Variants in CDH13 observed in about 807,000 individuals in gnomAD.
CDH13 encodes the protein cadherin 13, also known as cadherin-13.
In CDH13, 24 loss-of-function variants were observed where a neutral mutation model predicts 63.8. That is an observed-to-expected ratio of 0.38 (90% CI 0.27 to 0.53). The LOEUF (loss-of-function observed/expected upper bound fraction) is 0.53, where lower values mean the gene tolerates loss of function less well. CDH13 is among the 20% of genes least tolerant of loss of function. The pLI is 0.85. For missense variants in CDH13, 1,049 were observed against 903.1 expected (o/e 1.16, Z -2.07); for synonymous variants, 503 against 355.3 (o/e 1.42, Z -4.67).
intron 11 of CDH13, among the ~76,000 whole-genome samples, chr16:83,759,366 C>G (rs908190099): frequency 2.6e-5 from 4 of 151,994 alleles, no homozygotes; most frequent in Admixed American, 1.3e-4. Flanking sequence ...CATCCTGACC[C>G]CCTCTTAAAC....
At chr16:83,443,705 GAAAAA>G (rs1167862979) in intron 6 of CDH13, among the ~76,000 whole-genome samples, 7 of 107,078 alleles carry the variant, frequency 6.5e-5, no homozygotes, top group Admixed American at 3.9e-4. Context: ...AAGTCCCTAC[GAAAAA>G]AAAAAAAAAA....
At chr16:83,562,212 G>C (rs1462386374) in intron 7 of CDH13, among the ~76,000 whole-genome samples, 1 of 152,152 alleles carries the variant, frequency 6.6e-6, no homozygotes, top group Non-Finnish European at 1.5e-5. Context: ...TTCAGAACAG[G>C]AATCTTCTGA....
chr16:83,254,927 C>A (rs1906024217), intron 5 of CDH13, among the ~76,000 whole-genome samples: 1 of 124,364 alleles, frequency 8.0e-6, no homozygotes, highest in African/African-American at 2.9e-5. Flanking sequence ...GAGACAAGCT[C>A]TTTCTTGGAT....
At chr16:82,691,268 G>C (rs1264528418) in intron 1 of CDH13, among the ~76,000 whole-genome samples, 1 of 152,220 alleles carries the variant, frequency 6.6e-6, no homozygotes, top group African/African-American at 2.4e-5. Flanking sequence ...GCCACCTGCA[G>C]TCAGTCTCCC....
intron 6 of CDH13, among the ~76,000 whole-genome samples, chr16:83,437,453 A>T (rs972474599): frequency 1.3e-5 from 2 of 152,094 alleles, no homozygotes; most frequent in South Asian, 4.2e-4. Context: ...AGTCAGGTGG[A>T]TCACCTGAGA....
At chr16:83,136,347 G>A (rs757963911) in intron 4 of CDH13, among the ~76,000 whole-genome samples, 21 of 151,860 alleles carry the variant, frequency 1.4e-4, no homozygotes, top group East Asian at 5.8e-4. Flanking sequence ...TTAGCCGGGC[G>A]TAGTGGTGTG....
intron 1 of CDH13, among the ~76,000 whole-genome samples, chr16:82,719,845 C>CAAA (rs34017657): frequency 3.4e-4 from 30 of 88,086 alleles, no homozygotes; most frequent in Non-Finnish European, 5.1e-4. Context: ...GACTCTGTCT[C>CAAA]AAAAAAAAAA....
In CDH13 at chr16:82,847,120, A is replaced by G. The variant is rs143937311; in HGVS notation, c.46-11242A>G. ...TTTTGCCCTCTTCATTGGTTTTCCCAAATTATATTTACATGTTAAAATACC... is the reference window on the plus strand; with the variant it reads ...TTTTGCCCTCTTCATTGGTTTTCCCGAATTATATTTACATGTTAAAATACC... On this transcript the variant is annotated intron_variant, in intron 1 of 13. Coordinates refer to ENST00000567109, the MANE Select transcript of CDH13 (RefSeq NM_001257.5). Among the ~76,000 whole-genome samples the G allele has an allele frequency of 1.4e-4, 21 of 152,208 alleles. No individual in the cohort carries two copies. The East Asian group carries it at 4.1e-3, about 29-fold the overall frequency.
At chr16:82,935,693 CT>C (rs2042645593) in intron 2 of CDH13, among the ~76,000 whole-genome samples, 1 of 152,164 alleles carries the variant, frequency 6.6e-6, no homozygotes, top group African/African-American at 2.4e-5. Flanking sequence ...CAATAACCCC[CT>C]GAGCTCCACC....
At chr16:83,490,541 G>A (rs1453499696) in intron 7 of CDH13, among the ~76,000 whole-genome samples, 1 of 152,120 alleles carries the variant, frequency 6.6e-6, no homozygotes, top group East Asian at 1.9e-4. Flanking sequence ...CTGCTCCAAG[G>A]ATTGGCAGCC....
intron 6 of CDH13, among the ~76,000 whole-genome samples, chr16:83,396,107 C>T (rs1187825196): frequency 6.6e-6 from 1 of 152,186 alleles, no homozygotes; most frequent in Non-Finnish European, 1.5e-5. Context: ...GTCCATGTCT[C>T]TGCAAAGGAC....
At chr16:82,795,218 C>G (rs970884264) in intron 1 of CDH13, among the ~76,000 whole-genome samples, 5 of 152,302 alleles carry the variant, frequency 3.3e-5, no homozygotes, top group South Asian at 4.1e-4. Flanking sequence ...TTGTCCATGT[C>G]TATTGGAATG....
chr16:82,665,639 G>A (rs1471478557), intron 1 of CDH13, among the ~76,000 whole-genome samples: 1 of 151,898 alleles, frequency 6.6e-6, no homozygotes, highest in African/African-American at 2.4e-5. Flanking sequence ...AACATCACAG[G>A]TACTCTGCTT....
chr16:82,699,245 G>C (rs1878798108), intron 1 of CDH13, among the ~76,000 whole-genome samples: 1 of 152,160 alleles, frequency 6.6e-6, no homozygotes, highest in Non-Finnish European at 1.5e-5. Context: ...GGGCCAGGGA[G>C]GGTCACTGAT....
intron 6 of CDH13, among the ~76,000 whole-genome samples, chr16:83,391,475 A>T (rs1395449941): frequency 6.6e-6 from 1 of 152,188 alleles, no homozygotes; most frequent in Non-Finnish European, 1.5e-5. Flanking sequence ...AAGTGCTGGG[A>T]TTACAGGCAT....
intron 2 of CDH13, among the ~76,000 whole-genome samples, chr16:83,000,813 G>T (rs1017099262): frequency 1.3e-5 from 2 of 151,888 alleles, no homozygotes; most frequent in Non-Finnish European, 2.9e-5. Context: ...TCTCCTGCCC[G>T]CATGATCCGC....
At chr16:82,723,410 G>A (rs1290269006) in intron 1 of CDH13, among the ~76,000 whole-genome samples, 3 of 152,142 alleles carry the variant, frequency 2.0e-5, no homozygotes, top group Non-Finnish European at 4.4e-5. Flanking sequence ...ACATAGCTAG[G>A]TTATATTCCC....
chr16:83,566,113 A>C (rs1358304846), intron 7 of CDH13, among the ~76,000 whole-genome samples: 1 of 152,156 alleles, frequency 6.6e-6, no homozygotes, highest in African/African-American at 2.4e-5. Flanking sequence ...AGATGCCCTG[A>C]ATGGTATGTT....
At chr16:83,367,362 A>G (rs2091278110) in intron 6 of CDH13, among the ~76,000 whole-genome samples, 1 of 152,154 alleles carries the variant, frequency 6.6e-6, no homozygotes, top group Non-Finnish European at 1.5e-5. Context: ...TTAAGTTTTT[A>G]CGTTATATTT....
Sources: allele counts gnomAD v4.1 joint callset (sites outside exome capture counted in the v4.1 genomes callset), GRCh38; gene constraint gnomAD v4.1.1; transcripts MANE v1.5; gene names NCBI Gene and HGNC (gene_info 2026-07-23, HGNC 2026-07-21).